The following NKD1 variants were observed in gnomAD, a reference collection of about 807,000 sequenced individuals.
The protein encoded by NKD1 is protein naked cuticle homolog 1.
In NKD1, 21 loss-of-function variants were observed where a neutral mutation model predicts 56.0. The observed-to-expected ratio is 0.38, with a 90% CI of 0.27 to 0.54. NKD1 has a LOEUF of 0.54. Among genes scored for constraint, NKD1 ranks in the 20% least tolerant of loss-of-function variants. The pLI, the probability that NKD1 is intolerant of heterozygous loss-of-function variation, is 0.82. For missense variants in NKD1, 578 were observed against 642.7 expected (o/e 0.90, Z 1.09); for synonymous variants, 263 against 265.7 (o/e 0.99, Z 0.10).
intron 4 of NKD1, among the ~76,000 whole-genome samples, chr16:50,612,692 G>A (rs1488296244): frequency 6.6e-6 from 1 of 152,202 alleles, no homozygotes; most frequent in Non-Finnish European, 1.5e-5. Context: ...TAGGGGGAGA[G>A]CAGCTATGAG....
chr16:50,632,510 G>A lies in NKD1; in HGVS notation c.823+102G>A. 4 of 1,148,542 alleles carry A rather than the reference G, an allele frequency of 3.5e-6. No individual in the cohort carries two copies. The highest frequency in any genetic ancestry group is 5.1e-6 in the Non-Finnish European group (4 of 780,190). 71.1% of individuals were successfully genotyped at this position (1,148,542 alleles called of 1,614,324 possible). A position where few individuals can be genotyped will look rare whatever the true frequency, so the allele number is the denominator to read the frequency against. On this transcript the variant is annotated intron_variant, in intron 9 of 9. Transcript: ENST00000268459. The surrounding 1 kb of genome is among the most constrained non-coding windows in gnomAD (Gnocchi z 4.1). ...GTGTTCACTGCTACCCCAGGCTTCG[G>A]TAAGACAACTATTATGGGACAGGTC...
chr16:50,620,950 G>T (rs1263485384), intron 4 of NKD1, among the ~76,000 whole-genome samples: 1 of 152,172 alleles, frequency 6.6e-6, no homozygotes, highest in Non-Finnish European at 1.5e-5. Flanking sequence ...TGCCTTTTGT[G>T]TATGTGTGAG....
chr16:50,614,590 G>A (rs1961920998), intron 4 of NKD1, among the ~76,000 whole-genome samples: 1 of 152,100 alleles, frequency 6.6e-6, no homozygotes, highest in Non-Finnish European at 1.5e-5. Context: ...TGCACATGTT[G>A]GACTCACTTT....
At chr16:50,568,459 G>A (rs1234448922) in intron 3 of NKD1, among the ~76,000 whole-genome samples, 1 of 152,234 alleles carries the variant, frequency 6.6e-6, no homozygotes, top group East Asian at 1.9e-4. Context: ...GATAACAGCA[G>A]GACCTGCCTC....
chr16:50,632,392 G>T lies in NKD1; in HGVS notation c.807G>T (p.Thr269=). 6.2e-7 allele frequency: 1 copy of T among 1,614,080 alleles called. No homozygotes were observed. Among genetic ancestry groups the T allele is most frequent in the Non-Finnish European group, 8.5e-7 (1 of 1,179,974 alleles). Reference sequence around the variant, plus strand: ...ATCTCGCCGGGATAGAAAACTACACGTCCCAATTTGGGCCTGGTAAGGGAC... The same window carrying T: ...ATCTCGCCGGGATAGAAAACTACACTTCCCAATTTGGGCCTGGTAAGGGAC... ...YLDLAGIENY[T]SQFGPGSPSV... is the part of the protein sequence containing the mutation. The change falls in exon 9 of 10, where the codon ACG becomes ACT. Residue 269 remains threonine, a synonymous_variant. Coordinates refer to ENST00000268459, the MANE Select transcript of NKD1 (RefSeq NM_033119.5). The surrounding 1 kb of genome is among the most constrained non-coding windows in gnomAD (Gnocchi z 4.1).
At chr16:50,576,292 A>AC (rs1175893490) in intron 3 of NKD1, among the ~76,000 whole-genome samples, 1 of 151,602 alleles carries the variant, frequency 6.6e-6, no homozygotes, top group Non-Finnish European at 1.5e-5. Flanking sequence ...AGCTATACTC[A>AC]CCCCCATGTC....
At position 50,640,544 on chromosome 16, in the gene NKD1, G is replaced by A. The variant is rs774820377; in HGVS notation, c.*6763G>A. On this transcript the variant is annotated 3_prime_UTR_variant, in exon 10 of 10. Transcript: ENST00000268459. The stretch of plus-strand genomic sequence containing the variant: ...GCAGGCAGGGACTTCTTAGATAGCT[G>A]CTTCCTTAGGGCATGGCATGTAGTG... 3.9e-5 allele frequency: 6 copies of A among 152,352 alleles called. No homozygotes were observed. The highest frequency in any genetic ancestry group is 7.3e-5 in the Non-Finnish European group (5 of 68,034). The allele number at this position is 152,352 out of a possible 1,614,324, so 9.4% of individuals were successfully genotyped here.
intron 8 of NKD1, among the ~76,000 whole-genome samples, chr16:50,631,202 A>G (rs1324136250): frequency 6.6e-6 from 1 of 152,156 alleles, no homozygotes; most frequent in Non-Finnish European, 1.5e-5. Context: ...TTCTGCTGGG[A>G]GATGACTGAA....
chr16:50,630,204 C>T lies in NKD1; in HGVS notation c.481C>T (p.His161Tyr). 12 of 1,613,964 alleles carry T rather than the reference C, an allele frequency of 7.4e-6. No homozygotes were observed. The highest frequency in any genetic ancestry group is 1.0e-5 in the Non-Finnish European group (12 of 1,179,874). Residue 161 changes from histidine (H) to tyrosine (Y), a missense_variant, in exon 7 of 10, where the codon CAC (histidine) becomes TAC (tyrosine). By Grantham distance (83) the His-to-Tyr change is moderately conservative (BLOSUM62 2). Coordinates refer to ENST00000268459, the MANE Select transcript of NKD1 (RefSeq NM_033119.5). ...VTREDITSLL[H>Y]TIYEVVDSSV... The stretch of plus-strand genomic sequence containing the variant: ...CATTCAGGACATCACCAGCTTGCTG[C>T]ACACCATCTATGAGGTGGTGGACTC...
intron 4 of NKD1, among the ~76,000 whole-genome samples, chr16:50,619,651 G>A (rs185509816): frequency 2.6e-5 from 4 of 152,284 alleles, no homozygotes; most frequent in Admixed American, 2.6e-4. Context: ...TACTACTTAT[G>A]GCCAGACCTA....
intron 4 of NKD1, 113 bp from the exon 5 acceptor site, chr16:50,621,489 C>T (rs1962087222): frequency 1.4e-6 from 1 of 697,622 alleles, no homozygotes; most frequent in Non-Finnish European, 2.4e-6. Flanking sequence ...GGAGCGGGCC[C>T]AGCCCCCTGG....
At chr16:50,625,638 G>A in intron 6 of NKD1, 58 bp downstream of exon 6, 1 of 1,091,678 alleles carries the variant, frequency 9.2e-7, no homozygotes, top group African/African-American at 1.5e-5. Context: ...CAGGGCCTGG[G>A]CACAGCACCC....
Position 50,608,347 on chromosome 16 carries a change from C to T in NKD1, c.246C>T (p.Asp82=), listed in dbSNP as rs529255867. ...RDTLSEEEED[D]FRLEVALPPE... ...CGCTCAGCGAGGAAGAGGAGGACGA[C>T]TTTCGGCTGGAAGGTATTCGGAGTC... Residue 82 remains aspartate (D), a synonymous_variant, in exon 4 of 10, where the codon GAC becomes GAT. Transcript: ENST00000268459. The T allele has an allele frequency of 2.5e-6, 4 of 1,612,588 alleles. No homozygotes were observed. The African/African-American group carries it at 4.0e-5, about 16-fold the overall frequency.
At chr16:50,624,984 G>T (rs1484910077) in intron 5 of NKD1, among the ~76,000 whole-genome samples, 6 of 152,178 alleles carry the variant, frequency 3.9e-5, no homozygotes, top group African/African-American at 1.4e-4. Context: ...TGTATACAAA[G>T]AGAAACTGAG....
chr16:50,591,887 T>C (rs926187685), intron 3 of NKD1, among the ~76,000 whole-genome samples: 2 of 152,010 alleles, frequency 1.3e-5, no homozygotes, highest in Non-Finnish European at 2.9e-5. Context: ...AACCAAGAAA[T>C]AGGTGGGGTG....
At chr16:50,553,806 T>A (rs1960441236) in intron 3 of NKD1, 1 of 152,316 alleles carries the variant, frequency 6.6e-6, no homozygotes, top group East Asian at 1.9e-4. Context: ...CCTTGTTCAC[T>A]GGCATTTTCG....
chr16:50,587,853 G>C (rs554551481), intron 3 of NKD1, among the ~76,000 whole-genome samples: 1 of 152,302 alleles, frequency 6.6e-6, no homozygotes, highest in South Asian at 2.1e-4. Context: ...AAACCCTATC[G>C]TGAACTGTGC....
chr16:50,570,544 G>A (rs971077557), intron 3 of NKD1, among the ~76,000 whole-genome samples: 1 of 152,234 alleles, frequency 6.6e-6, no homozygotes, highest in Non-Finnish European at 1.5e-5. Context: ...CTTTGGGCGA[G>A]TGCCTTAACC....
chr16:50,601,771 G>A (rs1021419428), intron 3 of NKD1, among the ~76,000 whole-genome samples: 12 of 152,216 alleles, frequency 7.9e-5, no homozygotes, highest in African/African-American at 2.2e-4. Flanking sequence ...GGGCTCAGGG[G>A]TCTTCAGGGG....
Sources: allele counts gnomAD v4.1 joint callset (sites outside exome capture counted in the v4.1 genomes callset), GRCh38; gene constraint gnomAD v4.1.1; non-coding constraint Gnocchi (gnomAD v3.1); transcripts MANE v1.5; gene names NCBI Gene and HGNC (gene_info 2026-07-23, HGNC 2026-07-21).